Variants in MKX observed in about 807,000 individuals in gnomAD.
MKX encodes mohawk homeobox.
In MKX, 13 loss-of-function variants were observed where a neutral mutation model predicts 36.0. That is an observed-to-expected ratio of 0.36 (90% CI 0.24 to 0.57). The LOEUF (loss-of-function observed/expected upper bound fraction) is 0.57. Ranked by LOEUF, MKX falls within the 20% of genes least tolerant of loss-of-function variation. The pLI, the probability that MKX is intolerant of heterozygous loss-of-function variation, is 0.79. For synonymous variants in MKX, 176 were observed against 178.3 expected (o/e 0.99, Z 0.10); for missense variants, 458 against 456.4 (o/e 1.00, Z -0.03).
rs1834953948 is a variant in MKX, at chr10:27,743,248, G to A, written c.168C>T (p.Gly56=). 1 of 1,532,846 alleles carries A rather than the reference G, an allele frequency of 6.5e-7. No homozygotes were observed. Among genetic ancestry groups the A allele is most frequent in the African/African-American group, 1.4e-5 (1 of 69,286 alleles). The allele number at this position is 1,532,846 out of a possible 1,614,324, so 95.0% of individuals were successfully genotyped here. A position where few individuals can be genotyped will look rare whatever the true frequency, so the allele number is the denominator to read the frequency against. Residue 56 remains glycine, a synonymous_variant, in exon 2 of 7, where the codon GGC becomes GGT. Coordinates refer to ENST00000419761, the MANE Select transcript of MKX (RefSeq NM_173576.3). ...CATACCCGGTCCTCCGGTGTCTCAG[G>A]CCGAGGTTGTCCTTGAGGGGCGGGC... The part of the protein sequence containing the change: ...PDGPPLKDNL[G]LRHRRTGARQ...
At chr10:27,703,340 G>A (rs141580373) in intron 5 of MKX, among the ~76,000 whole-genome samples, 5 of 152,182 alleles carry the variant, frequency 3.3e-5, no homozygotes, top group African/African-American at 1.2e-4. Flanking sequence ...GAAATTAAAT[G>A]TTTCACCTAA....
In MKX at chr10:27,681,738, G is replaced by A. The variant is rs556687208; in HGVS notation, c.839-6184C>T. On this transcript the variant is annotated intron_variant, in intron 5 of 6. Transcript: ENST00000419761. ...AGTTCGAAACCAATCTGGCCAACAT[G>A]GTGAAACCCTGTCTCTACTAAAAAT... 2.0e-5 allele frequency among the ~76,000 whole-genome samples: 3 copies of A among 152,158 alleles called. No individual in the cohort carries two copies. In the East Asian group the frequency reaches 5.8e-4, roughly 29 times the overall value.
intron 5 of MKX, among the ~76,000 whole-genome samples, chr10:27,694,715 A>C (rs1191065659): frequency 1.5e-5 from 2 of 131,512 alleles, no homozygotes; most frequent in Non-Finnish European, 3.4e-5. Context: ...AAAAAAATTT[A>C]ATCTCCCAAT....
At chr10:27,715,052 C>A (rs1212726952) in intron 5 of MKX, among the ~76,000 whole-genome samples, 1 of 152,150 alleles carries the variant, frequency 6.6e-6, no homozygotes, top group Non-Finnish European at 1.5e-5. Context: ...TGACTGCAGT[C>A]TTGTTTTCTT....
intron 5 of MKX, among the ~76,000 whole-genome samples, chr10:27,720,721 C>A (rs1834357620): frequency 6.6e-6 from 1 of 152,016 alleles, no homozygotes; most frequent in South Asian, 2.1e-4. Context: ...GAGACAAATT[C>A]TCATTAATGT....
intron 5 of MKX, among the ~76,000 whole-genome samples, chr10:27,689,174 C>A (rs1015164627): frequency 6.6e-6 from 1 of 152,174 alleles, no homozygotes. Context: ...CCGTGTTAAA[C>A]CTGTCTGACT....
At chr10:27,726,125 A>C (rs895098672) in intron 5 of MKX, among the ~76,000 whole-genome samples, 1 of 152,224 alleles carries the variant, frequency 6.6e-6, no homozygotes, top group Non-Finnish European at 1.5e-5. Flanking sequence ...CAATTTGCTG[A>C]TAAATATCAG....
chr10:27,684,801 C>A (rs764021701), intron 5 of MKX, among the ~76,000 whole-genome samples: 9 of 152,148 alleles, frequency 5.9e-5, no homozygotes, highest in South Asian at 2.1e-4. Context: ...TTTCCACAGA[C>A]CGGGGAGCGG....
chr10:27,679,951 G>A (rs993107695), intron 5 of MKX, among the ~76,000 whole-genome samples: 4 of 152,056 alleles, frequency 2.6e-5, no homozygotes, highest in Admixed American at 1.3e-4. Context: ...CACCACTGGC[G>A]GTCATAGGGG....
intron 5 of MKX, among the ~76,000 whole-genome samples, chr10:27,698,553 T>C (rs570323768): frequency 2.0e-5 from 3 of 152,092 alleles, no homozygotes; most frequent in South Asian, 2.1e-4. Context: ...ATTTCTGCCT[T>C]GGGTGACTGG....
chr10:27,721,442 C>T (rs1456341159), intron 5 of MKX, among the ~76,000 whole-genome samples: 1 of 152,032 alleles, frequency 6.6e-6, no homozygotes, highest in Non-Finnish European at 1.5e-5. Context: ...ATACTATGCA[C>T]CCATAAAAAG....
rs758145748 is a variant in MKX at position 27,742,932 on chromosome 10, G to C, written c.188+296C>G. Among the ~76,000 whole-genome samples, 25 of 152,228 alleles carry C rather than the reference G, an allele frequency of 1.6e-4. No homozygotes were observed. The highest frequency in any genetic ancestry group is 3.7e-4 in the Non-Finnish European group (25 of 68,036). ...ACCGGCACCCACAGTCCGGAGAGGG[G>C]CAAATAACCCCCAACTCCGAGGTCC... On this transcript the variant is annotated intron_variant, in intron 2 of 6. Transcript: ENST00000419761. This position sits in a 1 kb window ranked among gnomAD's most constrained non-coding sequence, Gnocchi z 4.2.
At chr10:27,696,368 T>C (rs746606804) in intron 5 of MKX, among the ~76,000 whole-genome samples, 29 of 152,194 alleles carry the variant, frequency 1.9e-4, no homozygotes, top group Non-Finnish European at 3.4e-4. Context: ...GCAGCAATAA[T>C]TACTCCACAA....
At chr10:27,722,337 A>G (rs1174971343) in intron 5 of MKX, among the ~76,000 whole-genome samples, 1 of 152,162 alleles carries the variant, frequency 6.6e-6, no homozygotes, top group South Asian at 2.1e-4. Flanking sequence ...TCAGAGCCCA[A>G]GTTCTGTTCT....
intron 5 of MKX, chr10:27,718,450 G>A (rs1476665212): frequency 4.5e-6 from 1 of 222,704 alleles, no homozygotes; most frequent in Non-Finnish European, 9.5e-6. Flanking sequence ...GGGTAAAAAA[G>A]CAATATGAAG....
intron 5 of MKX, among the ~76,000 whole-genome samples, chr10:27,685,916 A>C (rs551917551): frequency 3.3e-5 from 5 of 152,296 alleles, no homozygotes; most frequent in Non-Finnish European, 7.4e-5. Context: ...TGAATGAGTA[A>C]AGAGAAATCA....
At chr10:27,690,883 G>C (rs1476163110) in intron 5 of MKX, among the ~76,000 whole-genome samples, 1 of 152,184 alleles carries the variant, frequency 6.6e-6, no homozygotes, top group Non-Finnish European at 1.5e-5. Context: ...CCCAGTGAGA[G>C]GTGATCAGAT....
At chr10:27,678,495 C>G (rs1224608033) in intron 5 of MKX, among the ~76,000 whole-genome samples, 1 of 152,182 alleles carries the variant, frequency 6.6e-6, no homozygotes, top group Non-Finnish European at 1.5e-5. Flanking sequence ...CACTCTGGCT[C>G]CCAGATGAAG....
At chr10:27,743,161 GT>G (rs1251739164) in intron 2 of MKX, 66 bp downstream of exon 2, 2 of 1,359,812 alleles carry the variant, frequency 1.5e-6, no homozygotes, top group Non-Finnish European at 1.9e-6. Context: ...ACGGGACCCC[GT>G]CACAGCTCAC....
Sources: gnomAD v4.1 joint callset for allele counts (sites outside exome capture counted in the v4.1 genomes callset) on GRCh38, gnomAD v4.1.1 for gene constraint, Gnocchi (gnomAD v3.1) non-coding constraint, MANE v1.5 for transcripts, NCBI Gene and HGNC (gene_info 2026-07-23, HGNC 2026-07-21) for gene names.